ZNF236: variants seen among roughly 807,000 people sequenced by gnomAD.
The protein encoded by ZNF236 is zinc finger protein 236.
Under a neutral mutation model 191.2 loss-of-function variants are expected in ZNF236, and 50 were observed. The ratio of observed to expected loss-of-function variants is 0.26; its 90% CI spans 0.21 to 0.33. The LOEUF (loss-of-function observed/expected upper bound fraction) is 0.33. ZNF236 is among the 10% of genes least tolerant of loss of function. The pLI is 1.00. For missense variants in ZNF236, 1,754 were observed against 2,374.5 expected (o/e 0.74, Z 5.43); for synonymous variants, 907 against 928.8 (o/e 0.98, Z 0.43).
chr18:76,921,570 T>A (rs1401944748), intron 20 of ZNF236, among the ~76,000 whole-genome samples: 1 of 151,952 alleles, frequency 6.6e-6, no homozygotes, highest in Non-Finnish European at 1.5e-5. Flanking sequence ...GATGAGAAAG[T>A]CAGGCCTGGC....
intron 27 of ZNF236, among the ~76,000 whole-genome samples, chr18:76,954,200 C>T (rs1371866333): frequency 1.3e-5 from 2 of 152,110 alleles, no homozygotes; most frequent in African/African-American, 2.4e-5. Context: ...GCTTCTGATG[C>T]GATTATGCTG....
In ZNF236 at chr18:76,910,096, G is replaced by C; in HGVS notation, c.2580G>C (p.Leu860=). Residue 860 remains leucine, a synonymous_variant, in exon 15 of 31, where the codon CTG becomes CTC. Coordinates refer to ENST00000320610, the MANE Select transcript of ZNF236 (RefSeq NM_001306089.2). ...GGTTTGTGGCTCCACAGGACCCTCT[G>C]CGAGGGCACGTAGACCAGTTTGAAG... is the stretch of plus-strand genomic sequence containing the variant. ...EDGFVAPQDP[L]RGHVDQFEEQ... is the part of the protein sequence containing the mutation. 6.2e-7 allele frequency: 1 copy of C among 1,613,324 alleles called. No homozygotes were observed. Among genetic ancestry groups the C allele is most frequent in the South Asian group, 1.1e-5 (1 of 91,056 alleles).
intron 25 of ZNF236, chr18:76,936,138 G>A (rs1198125333): frequency 4.5e-6 from 2 of 441,578 alleles, no homozygotes; most frequent in Non-Finnish European, 9.1e-6. Context: ...TCACAGCAAA[G>A]TGCTGACAGG....
At chr18:76,849,479 G>A in intron 1 of ZNF236, 47 bp from the exon 2 acceptor site, 1 of 1,447,092 alleles carries the variant, frequency 6.9e-7, no homozygotes, top group Non-Finnish European at 9.2e-7. Context: ...TTTATGTGAT[G>A]AGAATAACAA....
At chr18:76,836,616 C>T (rs776155372) in intron 1 of ZNF236, among the ~76,000 whole-genome samples, 10 of 149,386 alleles carry the variant, frequency 6.7e-5, no homozygotes, top group African/African-American at 1.7e-4. Flanking sequence ...TTTGCTCTGT[C>T]GCCCAGGCTA....
rs1446275312 is a variant in ZNF236 at position 76,971,224 on chromosome 18, T to C, written c.*2885T>C. Among the ~76,000 whole-genome samples the C allele has an allele frequency of 6.6e-6, 1 of 152,226 alleles. No homozygotes were observed. Among genetic ancestry groups the C allele is most frequent in the East Asian group, 1.9e-4 (1 of 5,202 alleles). On this transcript the variant is annotated 3_prime_UTR_variant, in exon 31 of 31. Coordinates refer to ENST00000320610, the MANE Select transcript of ZNF236 (RefSeq NM_001306089.2). ...CCCAAGCGGCTGCGTTTCCATAGAA[T>C]GGCAATAGATGAAAATGAAGACATG...
chr18:76,917,818 C>T (rs1321842072), intron 19 of ZNF236, among the ~76,000 whole-genome samples: 1 of 152,152 alleles, frequency 6.6e-6, no homozygotes, highest in African/African-American at 2.4e-5. Context: ...TCAAATCATT[C>T]CAAGCTTTAT....
intron 3 of ZNF236, among the ~76,000 whole-genome samples, chr18:76,862,908 G>A (rs1876957171): frequency 6.6e-6 from 1 of 152,302 alleles, no homozygotes; most frequent in African/African-American, 2.4e-5. Flanking sequence ...TCAATATGAA[G>A]AGAGCCTGGA....
In ZNF236 at chr18:76,956,014, G is replaced by C; in HGVS notation, c.4944G>C (p.Pro1648=). 1 of 1,610,408 alleles carries C rather than the reference G, an allele frequency of 6.2e-7. No individual in the cohort carries two copies. The highest frequency in any genetic ancestry group is 8.5e-7 in the Non-Finnish European group (1 of 1,179,498). ...QVAGVSGNLA[P]GNQPEKEGRA... Reference sequence around the variant, plus strand: ...CTGGCGTCTCTGGGAACCTGGCCCCGGGCAACCAGCCAGAGAAGGAGGGCC... The same window carrying C: ...CTGGCGTCTCTGGGAACCTGGCCCCCGGCAACCAGCCAGAGAAGGAGGGCC... Residue 1648 remains proline, a synonymous_variant, in exon 28 of 31, where the codon CCG becomes CCC. Transcript: ENST00000320610.
At chr18:76,891,234 A>T (rs896689626) in intron 9 of ZNF236, among the ~76,000 whole-genome samples, 1 of 151,978 alleles carries the variant, frequency 6.6e-6, no homozygotes, top group Non-Finnish European at 1.5e-5. Flanking sequence ...GAGCTGAAAA[A>T]CTTTTTTAAC....
Position 76,871,735 on chromosome 18 carries a change from G to A in ZNF236, c.577G>A (p.Asp193Asn), listed in dbSNP as rs745514547. 3 of 1,614,126 alleles carry A rather than the reference G, an allele frequency of 1.9e-6. No homozygotes were observed. Among genetic ancestry groups the A allele is most frequent in the Non-Finnish European group, 2.5e-6 (3 of 1,180,026 alleles). ...SSTRSYNRNI[D>N]RSGFTYSCPH... ...TACAAGGTCTTATAACCGGAATATC[G>A]ACAGAAGTGGATTCACGTATTCGTG... Residue 193 changes from aspartate to asparagine, a missense_variant, in exon 5 of 31, where the codon GAC becomes AAC. By Grantham distance (23) the Asp-to-Asn change is conservative. Coordinates refer to ENST00000320610, the MANE Select transcript of ZNF236 (RefSeq NM_001306089.2).
At position 76,883,964 on chromosome 18, in the gene ZNF236, C is replaced by T. The variant is rs1976972982; in HGVS notation, c.1417+2452C>T. Among the ~76,000 whole-genome samples, 3 of 152,276 alleles carry T rather than the reference C, an allele frequency of 2.0e-5. No individual in the cohort carries two copies. The South Asian group carries it at 6.2e-4, about 32-fold the overall frequency. ...CATACTCCGCCATGTAAAATTATTGCTTTTGATTTATTCACTTTTATCAGA... is the reference window on the plus strand; with the variant it reads ...CATACTCCGCCATGTAAAATTATTGTTTTTGATTTATTCACTTTTATCAGA... On this transcript the variant is annotated intron_variant, in intron 9 of 30. Transcript: ENST00000320610.
At chr18:76,837,733 G>A (rs1308900672) in intron 1 of ZNF236, among the ~76,000 whole-genome samples, 3 of 152,118 alleles carry the variant, frequency 2.0e-5, no homozygotes, top group African/African-American at 4.8e-5. Flanking sequence ...GACCCACCGC[G>A]CCTGGCTTTG....
chr18:76,910,942 A>G lies in ZNF236; in HGVS notation c.2805+131A>G. On this transcript the variant is annotated intron_variant, in intron 16 of 30. Transcript: ENST00000320610. ...GCTCACTTCTTGTAGCATTAAGGTT[A>G]CTGCATTACCTGGGAAATCCTCAGT... The G allele has an allele frequency of 5.3e-6, 5 of 949,532 alleles. No individual in the cohort carries two copies. In the East Asian group the frequency reaches 1.1e-4, roughly 20 times the overall value. The allele number at this position is 949,532 out of a possible 1,614,324, so 58.8% of individuals were successfully genotyped here.
rs371502929 is a variant in ZNF236, at chr18:76,913,466, T to C, written c.2910-281T>C. Among the ~76,000 whole-genome samples the C allele has an allele frequency of 4.6e-5, 7 of 152,358 alleles. No individual in the cohort carries two copies. In the East Asian group the frequency reaches 1.3e-3, roughly 29 times the overall value. On this transcript the variant is annotated intron_variant, in intron 17 of 30. Transcript: ENST00000320610. The stretch of plus-strand genomic sequence containing the variant: ...AGAGAGTTTCTAATTAATCAAATAT[T>C]ATGTCTGCTGGGGAGTTATAGGATT...
intron 10 of ZNF236, among the ~76,000 whole-genome samples, chr18:76,896,517 C>T (rs138682356): frequency 3.2e-4 from 49 of 152,096 alleles, no homozygotes; most frequent in Middle Eastern, 6.8e-3. Context: ...CAGGCACTGC[C>T]CACAGGGACC....
chr18:76,916,519 G>A (rs1002940872), intron 19 of ZNF236, among the ~76,000 whole-genome samples: 1 of 152,134 alleles, frequency 6.6e-6, no homozygotes, highest in African/African-American at 2.4e-5. Context: ...ACGTTAATTC[G>A]CCCAAGTCCC....
Position 76,972,055 on chromosome 18 carries a change from G to A in ZNF236, c.*3716G>A, listed in dbSNP as rs182809421. Among the ~76,000 whole-genome samples, 28 of 152,278 alleles carry A rather than the reference G, an allele frequency of 1.8e-4. No individual in the cohort carries two copies. The highest frequency in any genetic ancestry group is 1.6e-3 in the Admixed American group (25 of 15,304). ...TGCGGCGGATACTTCTGAAGGAAGC[G>A]TTCTTTTTGTGTCACTTAATCTGTG... On this transcript the variant is annotated 3_prime_UTR_variant, in exon 31 of 31. Transcript: ENST00000320610.
intron 1 of ZNF236, among the ~76,000 whole-genome samples, chr18:76,824,935 G>T (rs1974974540): frequency 6.6e-6 from 1 of 152,174 alleles, no homozygotes; most frequent in Non-Finnish European, 1.5e-5. Context: ...TCTGTCACTT[G>T]TCAGCGTGGA....
Sources: allele counts gnomAD v4.1 joint callset (sites outside exome capture counted in the v4.1 genomes callset), GRCh38; gene constraint gnomAD v4.1.1; transcripts MANE v1.5; gene names NCBI Gene and HGNC (gene_info 2026-07-23, HGNC 2026-07-21).